The following MAML2 variants were observed in gnomAD, a reference collection of about 807,000 sequenced individuals.
MAML2 encodes the protein mastermind-like protein 2.
A neutral mutation model predicts 96.1 loss-of-function variants in MAML2; 22 were observed. That is an observed-to-expected ratio of 0.23 (90% CI 0.16 to 0.33). The LOEUF (loss-of-function observed/expected upper bound fraction) is 0.33, where lower values mean the gene tolerates loss of function less well. Among genes scored for constraint, MAML2 ranks in the 10% least tolerant of loss-of-function variants. The pLI is 1.00. For synonymous variants in MAML2, 561 were observed against 521.3 expected, an observed-to-expected ratio of 1.08 and a Z score of -1.04; for missense variants, 1,367 against 1,392.4, an observed-to-expected ratio of 0.98 and a Z score of 0.29.
chr11:96,195,033 AT>A (rs1861709388), intron 1 of MAML2, among the ~76,000 whole-genome samples: 1 of 152,230 alleles, frequency 6.6e-6, no homozygotes, highest in Non-Finnish European at 1.5e-5. Flanking sequence ...GGCAAATGAA[AT>A]TAGAAGAGCT....
intron 1 of MAML2, among the ~76,000 whole-genome samples, chr11:96,171,080 A>G (rs1861286659): frequency 6.6e-6 from 1 of 150,788 alleles, no homozygotes; most frequent in South Asian, 2.1e-4. Context: ...CTGGGTTCCC[A>G]CTTGTCTTTC....
intron 2 of MAML2, among the ~76,000 whole-genome samples, chr11:96,042,176 C>A (rs995406014): frequency 6.6e-6 from 1 of 152,148 alleles, no homozygotes; most frequent in South Asian, 2.1e-4. Context: ...CGAGGTTTTA[C>A]CGTGTTAGCC....
At position 96,190,997 on chromosome 11, in the gene MAML2, A is replaced by G. The variant is rs373420548; in HGVS notation, c.514-97480T>C. Reference sequence around the variant, plus strand: ...CTCTTCTTGTCACACCATATTGGCAACATAGCATTCAGTTTTGTGTACCCC... The same window carrying G: ...CTCTTCTTGTCACACCATATTGGCAGCATAGCATTCAGTTTTGTGTACCCC... On this transcript the variant is annotated intron_variant, in intron 1 of 4. Coordinates refer to ENST00000524717, the MANE Select transcript of MAML2 (RefSeq NM_032427.4). Among the ~76,000 whole-genome samples, 6 of 152,346 alleles carry G rather than the reference A, an allele frequency of 3.9e-5. 1 individual carries two copies. The highest frequency in any genetic ancestry group is 4.8e-5 in the African/African-American group (2 of 41,576).
At chr11:96,141,162 G>A (rs1330735796) in intron 1 of MAML2, among the ~76,000 whole-genome samples, 1 of 151,970 alleles carries the variant, frequency 6.6e-6, no homozygotes, top group Non-Finnish European at 1.5e-5. Flanking sequence ...CTTCTGGTGA[G>A]GTGCTTACTT....
At chr11:96,105,347 C>G (rs1860005559) in intron 1 of MAML2, among the ~76,000 whole-genome samples, 1 of 152,190 alleles carries the variant, frequency 6.6e-6, no homozygotes, top group Non-Finnish European at 1.5e-5. Context: ...TCCACCAATT[C>G]TCCCCTCAAT....
Position 96,092,089 on chromosome 11 carries a change from G to T in MAML2, c.1942C>A (p.Gln648Lys). ...AQQQQQQQQQ[Q>K]QQQQQQQQQQ... ...TGCTGTTGTTGTTGCTGCTGCTGCT[G>T]CTGTTGTTGCTGCTGCTGCTGCTGT... Residue 648 changes from glutamine (Q) to lysine (K), a missense_variant, in exon 2 of 5, where the codon CAG becomes AAG. Transcript: ENST00000524717. The surrounding 1 kb of genome is among the most constrained non-coding windows in gnomAD (Gnocchi z 4.1). The T allele has an allele frequency of 6.5e-7, 1 of 1,548,062 alleles. No individual in the cohort carries two copies. Among genetic ancestry groups the T allele is most frequent in the Non-Finnish European group, 8.7e-7 (1 of 1,146,332 alleles).
intron 1 of MAML2, among the ~76,000 whole-genome samples, chr11:96,188,036 T>C (rs577817991): frequency 6.6e-6 from 1 of 152,312 alleles, no homozygotes; most frequent in African/African-American, 2.4e-5. Flanking sequence ...TGTTTCTGAC[T>C]TGGCAATGAA....
intron 2 of MAML2, among the ~76,000 whole-genome samples, chr11:96,046,126 GGGA>G (rs1446032152): frequency 6.6e-6 from 1 of 152,082 alleles, no homozygotes; most frequent in African/African-American, 2.4e-5. Context: ...TCTGAGTTGG[GGGA>G]GGAGGAGAGA....
rs1857691099 is a variant in MAML2, at chr11:95,979,103, A to G, written c.3316T>C (p.Leu1106=). 6.2e-7 allele frequency: 1 copy of G among 1,613,914 alleles called. No homozygotes were observed. The highest frequency in any genetic ancestry group is 8.5e-7 in the Non-Finnish European group (1 of 1,179,898). ...AFQGTDHSSD[L]AFDFLSQQND... ...TGTTGGCTGAGGAAGTCAAAAGCTA[A>G]GTCACTGCTGTGGTCAGTTCCTTGA... The change falls in exon 5 of 5, where the codon TTA becomes CTA. Residue 1106 remains leucine, a synonymous_variant. Coordinates refer to ENST00000524717, the MANE Select transcript of MAML2 (RefSeq NM_032427.4).
At chr11:96,150,029 T>A (rs1860894876) in intron 1 of MAML2, among the ~76,000 whole-genome samples, 1 of 152,250 alleles carries the variant, frequency 6.6e-6, no homozygotes, top group Non-Finnish European at 1.5e-5. Context: ...TAACTACTTG[T>A]TGGATATCTT....
chr11:96,301,825 G>A (rs1863390787), intron 1 of MAML2, among the ~76,000 whole-genome samples: 1 of 152,166 alleles, frequency 6.6e-6, no homozygotes, highest in African/African-American at 2.4e-5. Context: ...CAAATTAATA[G>A]TACTGGCAAA....
At chr11:96,180,734 G>T (rs557293927) in intron 1 of MAML2, among the ~76,000 whole-genome samples, 25 of 152,270 alleles carry the variant, frequency 1.6e-4, no homozygotes, top group Non-Finnish European at 2.1e-4. Context: ...ATAGGAACTG[G>T]TACCTTCATG....
At chr11:96,328,652 C>T (rs926660820) in intron 1 of MAML2, among the ~76,000 whole-genome samples, 1 of 152,012 alleles carries the variant, frequency 6.6e-6, no homozygotes, top group African/African-American at 2.4e-5. Flanking sequence ...CGTAAAAATT[C>T]TTTAGATTTA....
At chr11:96,189,773 A>G (rs1591063920) in intron 1 of MAML2, among the ~76,000 whole-genome samples, 2 of 152,354 alleles carry the variant, frequency 1.3e-5, no homozygotes, top group East Asian at 3.9e-4. Context: ...TGGGAAGCTA[A>G]TTCTTCATTC....
chr11:96,326,931 G>A (rs1248031112), intron 1 of MAML2, among the ~76,000 whole-genome samples: 2 of 152,172 alleles, frequency 1.3e-5, no homozygotes, highest in African/African-American at 2.4e-5. Flanking sequence ...CCAGGTTCTT[G>A]GTCTCATAGA....
intron 1 of MAML2, among the ~76,000 whole-genome samples, chr11:96,155,918 A>ACATAG (rs1251141428): frequency 2.0e-5 from 3 of 152,170 alleles, no homozygotes; most frequent in African/African-American, 4.8e-5. Flanking sequence ...ACAAGAGGAA[A>ACATAG]CATAAAAGAA....
At chr11:96,117,329 T>C (rs1394749117) in intron 1 of MAML2, among the ~76,000 whole-genome samples, 2 of 151,176 alleles carry the variant, frequency 1.3e-5, no homozygotes, top group Non-Finnish European at 2.9e-5. Flanking sequence ...AGGGTCTCGC[T>C]CTGTTGCCTA....
chr11:96,029,848 CAG>C lies in MAML2; in HGVS notation c.2140-38127_2140-38126del, dbSNP rs778957897. Among the ~76,000 whole-genome samples, 461 of 151,820 alleles carry C rather than the reference CAG, an allele frequency of 3.0e-3. 5 individuals carry two copies. The highest frequency in any genetic ancestry group is 0.022 in the South Asian group (108 of 4,822). Reference sequence around the variant, plus strand: ...TTCAGAAACCCCATCTCATGTCAAACAGAGTTTTTTGTTTTTGTTTTTGTATG... The same window carrying C: ...TTCAGAAACCCCATCTCATGTCAAACAGTTTTTTGTTTTTGTTTTTGTATG... On this transcript the variant is annotated intron_variant, in intron 2 of 4. Coordinates refer to ENST00000524717, the MANE Select transcript of MAML2 (RefSeq NM_032427.4).
chr11:96,074,595 A>C (rs2135791822), intron 2 of MAML2, among the ~76,000 whole-genome samples: 1 of 152,350 alleles, frequency 6.6e-6, no homozygotes, highest in East Asian at 1.9e-4. Context: ...AAGCCACCTG[A>C]AGTCATTCAC....
Sources: allele counts gnomAD v4.1 joint callset (sites outside exome capture counted in the v4.1 genomes callset), GRCh38; gene constraint gnomAD v4.1.1; non-coding constraint Gnocchi (gnomAD v3.1); transcripts MANE v1.5; gene names NCBI Gene and HGNC (gene_info 2026-07-23, HGNC 2026-07-21).